TMEM205: variants seen among roughly 807,000 people sequenced by gnomAD.
TMEM205 encodes MBC3205.
TMEM205 carries 11 observed loss-of-function variants against 17.9 expected under a neutral mutation model. The ratio of observed to expected loss-of-function variants is 0.61; its 90% CI spans 0.39 to 1.02. The LOEUF (loss-of-function observed/expected upper bound fraction) is 1.02. TMEM205 is among the 50% of genes least tolerant of loss of function. TMEM205 has a pLI of 0.01. For synonymous variants in TMEM205, 86 were observed against 97.4 expected (o/e 0.88, Z 0.69); for missense variants, 236 against 239.4 (o/e 0.99, Z 0.09).
In TMEM205 at chr19:11,345,320, A is replaced by G. The variant is rs1967145288; in HGVS notation, c.196T>C (p.Phe66Leu). 1.9e-6 allele frequency: 3 copies of G among 1,614,196 alleles called. No homozygotes were observed. Among genetic ancestry groups the G allele is most frequent in the African/African-American group, 1.3e-5 (1 of 75,052 alleles). The change falls in exon 2 of 3, where the codon TTC becomes CTC. Residue 66 changes from phenylalanine to leucine, a missense_variant. Phe to Leu is a conservative substitution (Grantham distance 22). Coordinates refer to ENST00000354882, the MANE Select transcript of TMEM205 (RefSeq NM_198536.3). ...FYFHISMGCA[F>L]INLCILASQH... ...GAAGCCAAGATGCAGAGGTTGATGA[A>G]GGCACAGCCCATGGAGATGTGGAAG...
chr19:11,346,297 A>G (rs943207239), upstream of TMEM205: 5 of 459,684 alleles, frequency 1.1e-5, no homozygotes, highest in Middle Eastern at 1.2e-3. Context: ...CCCGCCTCCC[A>G]GCTGAGCCCG....
chr19:11,345,456 C>CG, intron 1 of TMEM205, 41 bp from the exon 2 acceptor site: 1 of 1,613,884 alleles, frequency 6.2e-7, no homozygotes, highest in Non-Finnish European at 8.5e-7. Flanking sequence ...GGGCACTTCC[C>CG]GGTTCCCCTC....
At position 11,345,286 on chromosome 19, in the gene TMEM205, G is replaced by T. The variant is rs756736505; in HGVS notation, c.230C>A (p.Ala77Asp). 1 of 1,614,192 alleles carries T rather than the reference G, an allele frequency of 6.2e-7. No homozygotes were observed. Among genetic ancestry groups the T allele is most frequent in the South Asian group, 1.1e-5 (1 of 91,086 alleles). The change falls in exon 2 of 3, where the codon GCT becomes GAT. Residue 77 changes from alanine to aspartate, a missense_variant. By Grantham distance (126) the Ala-to-Asp change is moderately radical. Transcript: ENST00000354882. ...CTCCCAGAATGTGAGCTGAGCCCAA[G>T]CATGCTGTGAAGCCAAGATGCAGAG... is the stretch of plus-strand genomic sequence containing the variant. ...INLCILASQH[A>D]WAQLTFWEAS...
chr19:11,346,440 T>C (rs1246545561), upstream of TMEM205: 9 of 777,792 alleles, frequency 1.2e-5, no homozygotes, highest in South Asian at 1.1e-4. Context: ...TAAGCGCAGC[T>C]GAAGCGTGAA....
chr19:11,343,374 C>A (rs552670195), intron 2 of TMEM205, among the ~76,000 whole-genome samples: 1 of 152,224 alleles, frequency 6.6e-6, no homozygotes, highest in Non-Finnish European at 1.5e-5. Context: ...CAAAACCTCC[C>A]GAGCCTCTTC....
Position 11,345,897 on chromosome 19 carries a change from G to T in TMEM205, c.-278C>A, listed in dbSNP as rs1475682728. 4.5e-6 allele frequency: 2 copies of T among 444,934 alleles called. No individual in the cohort carries two copies. The highest frequency in any genetic ancestry group is 4.0e-6 in the Non-Finnish European group (1 of 249,374). 27.6% of individuals were successfully genotyped at this position (444,934 alleles called of 1,614,324 possible). On this transcript the variant is annotated 5_prime_UTR_variant, in exon 1 of 3. The change creates a new upstream start codon in the 5' untranslated region. Coordinates refer to ENST00000354882, the MANE Select transcript of TMEM205 (RefSeq NM_198536.3). ...TCAGAGGCCCCAAATTTCAGCCACA[G>T]CAGCTCCAGATCATAGCCCTAGGTC... is the stretch of plus-strand genomic sequence containing the variant.
At chr19:11,343,164 C>T (rs769335386) in intron 2 of TMEM205, 44 bp from the exon 3 acceptor site, 1 of 1,575,088 alleles carries the variant, frequency 6.3e-7, no homozygotes, top group Admixed American at 1.7e-5. Flanking sequence ...GCCTGGGAGG[C>T]CAGAGGGGCC....
At chr19:11,345,226 G>A in intron 2 of TMEM205, 26 bp downstream of exon 2, 1 of 1,612,914 alleles carries the variant, frequency 6.2e-7, no homozygotes, top group Admixed American at 1.7e-5. Flanking sequence ...AGTCTCCAGA[G>A]GGCAGTGGCA....
intron 2 of TMEM205, among the ~76,000 whole-genome samples, chr19:11,343,990 G>C (rs1287042452): frequency 6.7e-6 from 1 of 148,906 alleles, no homozygotes. Context: ...TGTTGCCCAG[G>C]CTGGAGTGCA....
chr19:11,343,104 A>C lies in TMEM205; in HGVS notation c.281T>G (p.Leu94Arg). The C allele has an allele frequency of 6.2e-7, 1 of 1,611,164 alleles. No homozygotes were observed. Among genetic ancestry groups the C allele is most frequent in the South Asian group, 1.1e-5 (1 of 90,982 alleles). Residue 94 changes from leucine to arginine, a missense_variant, in exon 3 of 3, where the codon CTG becomes CGG. Physicochemically the swap from Leu to Arg is moderately radical, Grantham distance 102 (BLOSUM62 -2). Coordinates refer to ENST00000354882, the MANE Select transcript of TMEM205 (RefSeq NM_198536.3). ...GTTGACAGTGGCCAGCGTAAGGCTC[A>C]GGAACAGCAGGTAAAGCTGGCAGGG... ...WEASQLYLLF[L>R]SLTLATVNAR...
chr19:11,344,947 C>G (rs1420044055), intron 2 of TMEM205, among the ~76,000 whole-genome samples: 1 of 151,566 alleles, frequency 6.6e-6, no homozygotes, highest in Non-Finnish European at 1.5e-5. Context: ...CCTCTGCCTC[C>G]TCGGTTCAAG....
intron 2 of TMEM205, 40 bp from the exon 3 acceptor site, chr19:11,343,160 G>A (rs747391023): frequency 7.0e-6 from 11 of 1,581,768 alleles, no homozygotes; most frequent in Middle Eastern, 2.3e-4. Flanking sequence ...CCATGCCTGG[G>A]AGGCCAGAGG....
Position 11,345,389 on chromosome 19 carries a change from G to C in TMEM205, c.127C>G (p.Arg43Gly), listed in dbSNP as rs11538746. The stretch of plus-strand genomic sequence containing the variant: ...CTCTGCACTAGTCCGAAGGTATGTC[G>C]GGGAAGGCTTCGGAAAAGCAGGAAG... ...SGFLLFRSLP[R>G]HTFGLVQSKL... The change falls in exon 2 of 3, where the codon CGA (arginine) becomes GGA (glycine). Residue 43 changes from arginine to glycine, a missense_variant. By Grantham distance (125) the Arg-to-Gly change is moderately radical (BLOSUM62 -2). Transcript: ENST00000354882. 3.7e-6 allele frequency: 6 copies of C among 1,614,148 alleles called. No individual in the cohort carries two copies. Among genetic ancestry groups the C allele is most frequent in the Non-Finnish European group, 5.1e-6 (6 of 1,180,030 alleles).
chr19:11,343,369 C>A (rs974762679), intron 2 of TMEM205, among the ~76,000 whole-genome samples: 5 of 152,214 alleles, frequency 3.3e-5, no homozygotes, highest in African/African-American at 1.2e-4. Context: ...CCCCGCAAAA[C>A]CTCCCGAGCC....
Position 11,342,839 on chromosome 19 carries a change from A to C in TMEM205, c.546T>G (p.Leu182=). 1 of 1,614,094 alleles carries C rather than the reference A, an allele frequency of 6.2e-7. No individual in the cohort carries two copies. Among genetic ancestry groups the C allele is most frequent in the Non-Finnish European group, 8.5e-7 (1 of 1,179,946 alleles). The change falls in exon 3 of 3, where the codon CTT becomes CTG. Residue 182 remains leucine, a synonymous_variant. Transcript: ENST00000354882. ...GCTAGAGGCTCCTTATTTCCAGGGC[A>C]AGGCCAGCGAGACAGAGCCCATTGC... ...VLSNGLCLAG[L]ALEIRSL is the part of the protein sequence containing the mutation.
chr19:11,343,783 T>C (rs1379049200), intron 2 of TMEM205, among the ~76,000 whole-genome samples: 1 of 151,926 alleles, frequency 6.6e-6, no homozygotes, highest in Non-Finnish European at 1.5e-5. Flanking sequence ...AGACCCTGTC[T>C]CAAAAACAAA....
At position 11,345,565 on chromosome 19, in the gene TMEM205, AGACCAGTAGATG is replaced by A. The variant is rs771088829; in HGVS notation, c.43_54del (p.His15_Val18del). ...ATTTGCATGCCCCAGGCACCTGACA[AGACCAGTAGATG>A]GACCATCTTAATCAGGCCTCCTAGG... On this transcript the variant is annotated inframe_deletion, in exon 1 of 3. Coordinates refer to ENST00000354882, the MANE Select transcript of TMEM205 (RefSeq NM_198536.3). 1.9e-6 allele frequency: 3 copies of A among 1,613,994 alleles called. No individual in the cohort carries two copies. Among genetic ancestry groups the A allele is most frequent in the African/African-American group, 2.7e-5 (2 of 74,902 alleles).
rs1364276909 is a variant in TMEM205, at chr19:11,345,751, C to A, written c.-132G>T. ...CCAGCAGAGATTCTGGCAAAGCATC[C>A]CGGGAATGAGAGTGAGAAAGGCCCA... On this transcript the variant is annotated 5_prime_UTR_variant, in exon 1 of 3. Transcript: ENST00000354882. The A allele has an allele frequency of 1.0e-5, 15 of 1,458,958 alleles. No individual in the cohort carries two copies. Among genetic ancestry groups the A allele is most frequent in the Admixed American group, 2.5e-5 (1 of 39,936 alleles). The allele number at this position is 1,458,958 out of a possible 1,614,324, so 90.4% of individuals were successfully genotyped here. A position where few individuals can be genotyped will look rare whatever the true frequency, so the allele number is the denominator to read the frequency against.
At chr19:11,343,830 T>C (rs1209025556) in intron 2 of TMEM205, among the ~76,000 whole-genome samples, 4 of 151,474 alleles carry the variant, frequency 2.6e-5, no homozygotes, top group Non-Finnish European at 5.9e-5. Context: ...GCAGGCATGG[T>C]GGCTCATGCC....
Sources: allele counts gnomAD v4.1 joint callset (sites outside exome capture counted in the v4.1 genomes callset), GRCh38; gene constraint gnomAD v4.1.1; transcripts MANE v1.5; gene names NCBI Gene and HGNC (gene_info 2026-07-23, HGNC 2026-07-21).